Variants in DAAM1 observed in about 807,000 individuals in gnomAD.
The protein encoded by DAAM1 is disheveled-associated activator of morphogenesis 1.
In DAAM1, 52 loss-of-function variants were observed where a neutral mutation model predicts 130.0. The observed-to-expected ratio is 0.40, with a 90% CI of 0.32 to 0.50. DAAM1 has a LOEUF of 0.50. Ranked by LOEUF, DAAM1 falls within the 20% of genes least tolerant of loss-of-function variation. The pLI, the probability that DAAM1 is intolerant of heterozygous loss-of-function variation, is 0.61. For missense variants in DAAM1, 1,134 were observed against 1,303.8 expected (o/e 0.87, Z 2.01); for synonymous variants, 452 against 444.5 (o/e 1.02, Z -0.21).
At chr14:59,287,508 G>A (rs1883514800) in intron 2 of DAAM1, among the ~76,000 whole-genome samples, 1 of 152,056 alleles carries the variant, frequency 6.6e-6, no homozygotes, top group Non-Finnish European at 1.5e-5. Flanking sequence ...TTTATGATGT[G>A]TTTCTATACC....
chr14:59,209,389 A>G (rs998062378), intron 1 of DAAM1, among the ~76,000 whole-genome samples: 3 of 152,218 alleles, frequency 2.0e-5, no homozygotes, highest in Non-Finnish European at 2.9e-5. Context: ...AATTCATAGA[A>G]ATAAATGAAA....
intron 3 of DAAM1, among the ~76,000 whole-genome samples, chr14:59,303,635 G>A (rs547833029): frequency 5.9e-5 from 9 of 152,286 alleles, no homozygotes; most frequent in South Asian, 2.1e-4. Flanking sequence ...GATGGCTAAC[G>A]CCTGTAATCC....
chr14:59,266,997 G>T (rs547388307), intron 2 of DAAM1, among the ~76,000 whole-genome samples: 1 of 152,288 alleles, frequency 6.6e-6, no homozygotes, highest in South Asian at 2.1e-4. Context: ...AAAAAGTCTG[G>T]CACCTAATAG....
chr14:59,226,278 A>C (rs1014638719), intron 1 of DAAM1, among the ~76,000 whole-genome samples: 3 of 152,186 alleles, frequency 2.0e-5, no homozygotes, highest in African/African-American at 7.2e-5. Flanking sequence ...AGAAGGCACC[A>C]AGTAGCACCA....
At chr14:59,260,259 A>G (rs1465056230) in intron 1 of DAAM1, among the ~76,000 whole-genome samples, 1 of 152,218 alleles carries the variant, frequency 6.6e-6, no homozygotes, top group Non-Finnish European at 1.5e-5. Flanking sequence ...AGATAATCAT[A>G]TCAATGGGTT....
At chr14:59,289,354 T>G (rs1883614793) in intron 2 of DAAM1, among the ~76,000 whole-genome samples, 1 of 152,146 alleles carries the variant, frequency 6.6e-6, no homozygotes, top group African/African-American at 2.4e-5. Context: ...CAGTTTGACA[T>G]GAGATTTGGG....
intron 1 of DAAM1, among the ~76,000 whole-genome samples, chr14:59,202,512 C>G (rs924536179): frequency 6.9e-6 from 1 of 145,884 alleles, no homozygotes; most frequent in Non-Finnish European, 1.6e-5. Context: ...TTCATTTGTT[C>G]ATTTGCCATT....
Position 59,225,019 on chromosome 14 carries a change from G to GTTTT in DAAM1, c.-38+36275_-38+36278dup, listed in dbSNP as rs869233694. The stretch of plus-strand genomic sequence containing the variant: ...GACTGTAAGAAATAAATCTGTGTGG[G>GTTTT]TTTTTTTTTTTTTTTTTTTTTTTTT... On this transcript the variant is annotated intron_variant, in intron 1 of 24. Transcript: ENST00000360909. 9.7e-4 allele frequency among the ~76,000 whole-genome samples: 88 copies of GTTTT among 90,808 alleles called. 12 individuals carry two copies. The highest frequency in any genetic ancestry group is 3.5e-3 in the African/African-American group (74 of 21,448). 59.6% of individuals were successfully genotyped at this position (90,808 alleles called of 152,430 possible). A position where few individuals can be genotyped will look rare whatever the true frequency, so the allele number is the denominator to read the frequency against.
intron 1 of DAAM1, among the ~76,000 whole-genome samples, chr14:59,193,215 C>G (rs1188975797): frequency 6.6e-6 from 1 of 152,198 alleles, no homozygotes; most frequent in East Asian, 1.9e-4. Context: ...GGATGATACC[C>G]CTCTTGAAGA....
At chr14:59,208,540 A>G (rs530332293) in intron 1 of DAAM1, among the ~76,000 whole-genome samples, 14 of 152,130 alleles carry the variant, frequency 9.2e-5, no homozygotes, top group Non-Finnish European at 1.5e-4. Context: ...GGTTTTGTCC[A>G]ACTCTCTCAG....
intron 2 of DAAM1, among the ~76,000 whole-genome samples, chr14:59,286,811 A>T (rs1883479081): frequency 6.6e-6 from 1 of 152,122 alleles, no homozygotes; most frequent in African/African-American, 2.4e-5. Context: ...ACCAACCAGA[A>T]AAAAGCCCTG....
At chr14:59,238,490 T>C (rs1330096532) in intron 1 of DAAM1, among the ~76,000 whole-genome samples, 2 of 152,172 alleles carry the variant, frequency 1.3e-5, no homozygotes, top group African/African-American at 4.8e-5. Flanking sequence ...ATTTCTTTTG[T>C]TTCCCACCCT....
At chr14:59,194,593 TCTCAGC>T (rs1243822697) in intron 1 of DAAM1, among the ~76,000 whole-genome samples, 1 of 152,310 alleles carries the variant, frequency 6.6e-6, no homozygotes, top group South Asian at 2.1e-4. Context: ...GCCCATAATT[TCTCAGC>T]CTCCCTCTTC....
At chr14:59,227,608 A>C (rs1024965298) in intron 1 of DAAM1, among the ~76,000 whole-genome samples, 3 of 152,182 alleles carry the variant, frequency 2.0e-5, no homozygotes, top group Admixed American at 6.5e-5. Context: ...CCCATGTCTC[A>C]TTATCTCGAT....
chr14:59,368,701 A>G lies in DAAM1; in HGVS notation c.3049A>G (p.Ser1017Gly). The G allele has an allele frequency of 6.2e-7, 1 of 1,613,902 alleles. No individual in the cohort carries two copies. Among genetic ancestry groups the G allele is most frequent in the Middle Eastern group, 1.6e-4 (1 of 6,062 alleles). ...ERKMRKAKEN[S>G]EESGEFDDLV... The stretch of plus-strand genomic sequence containing the variant: ...TAAAATGAGAAAAGCTAAAGAGAAT[A>G]GTGAAGAAAGCGGAGAGTTTGATGA... Residue 1017 changes from serine to glycine, a missense_variant, in exon 25 of 25, where the codon AGT (serine) becomes GGT (glycine). Ser to Gly is a moderately conservative substitution (Grantham distance 56, BLOSUM62 0). Coordinates refer to ENST00000360909, the MANE Select transcript of DAAM1 (RefSeq NM_001270520.2).
At chr14:59,305,212 A>G (rs1207510121) in intron 3 of DAAM1, among the ~76,000 whole-genome samples, 3 of 152,254 alleles carry the variant, frequency 2.0e-5, no homozygotes, top group Non-Finnish European at 4.4e-5. Context: ...CATGTGGATC[A>G]AAGATTTGGC....
chr14:59,321,939 G>A (rs140706852), intron 5 of DAAM1, among the ~76,000 whole-genome samples: 2 of 152,240 alleles, frequency 1.3e-5, no homozygotes, highest in African/African-American at 2.4e-5. Flanking sequence ...ATGTACATGT[G>A]CATTGTGAGT....
intron 2 of DAAM1, among the ~76,000 whole-genome samples, chr14:59,289,784 A>ATATATATATATATATATATATATATATAT: frequency 4.0e-4 from 52 of 128,598 alleles, no homozygotes; most frequent in Non-Finnish European, 5.6e-4. Context: ...ATATATATAT[A>ATATATATATATATATATATATATATATAT]ATGGAATGCT....
chr14:59,202,743 T>G (rs1200975165), intron 1 of DAAM1, among the ~76,000 whole-genome samples: 1 of 152,234 alleles, frequency 6.6e-6, no homozygotes, highest in Non-Finnish European at 1.5e-5. Flanking sequence ...GCTTTCATGT[T>G]TTGCTTATTT....
Sources: gnomAD v4.1 joint callset for allele counts (sites outside exome capture counted in the v4.1 genomes callset) on GRCh38, gnomAD v4.1.1 for gene constraint, MANE v1.5 for transcripts, NCBI Gene and HGNC (gene_info 2026-07-23, HGNC 2026-07-21) for gene names.